FNDC3B: variants seen among roughly 807,000 people sequenced by gnomAD.
The protein encoded by FNDC3B is fibronectin type III domain containing 3B, also known as fibronectin type III domain-containing protein 3B.
FNDC3B carries 12 observed loss-of-function variants against 151.5 expected under a neutral mutation model. That is an observed-to-expected ratio of 0.08 (90% CI 0.05 to 0.13). The LOEUF (loss-of-function observed/expected upper bound fraction) is 0.13. FNDC3B is among the 10% of genes least tolerant of loss of function. The pLI, the probability that FNDC3B is intolerant of heterozygous loss-of-function variation, is 1.00. For missense variants in FNDC3B, 1,214 were observed against 1,505.3 expected, an observed-to-expected ratio of 0.81 and a Z score of 3.20; for synonymous variants, 528 against 549.0, an observed-to-expected ratio of 0.96 and a Z score of 0.54.
At chr3:172,202,779 G>A (rs6445044) in intron 3 of FNDC3B, among the ~76,000 whole-genome samples, 135,685 of 152,244 alleles carry the variant, frequency 0.89, 60,750 homozygotes, top group African/African-American at 0.95. Flanking sequence ...GGAAGAGATT[G>A]CCTGAAAGCA....
intron 23 of FNDC3B, among the ~76,000 whole-genome samples, chr3:172,377,297 T>C (rs1041475881): frequency 2.0e-5 from 3 of 152,214 alleles, no homozygotes; most frequent in African/African-American, 7.2e-5. Flanking sequence ...TTAACTTATG[T>C]AGTGGTTCTC....
intron 23 of FNDC3B, among the ~76,000 whole-genome samples, chr3:172,368,238 A>G (rs893411101): frequency 6.7e-6 from 1 of 149,452 alleles, no homozygotes; most frequent in Non-Finnish European, 1.5e-5. Flanking sequence ...CCACTACACT[A>G]CAGCTTGGGC....
intron 25 of FNDC3B, among the ~76,000 whole-genome samples, chr3:172,386,056 A>T (rs990787237): frequency 2.0e-5 from 3 of 152,314 alleles, no homozygotes; most frequent in African/African-American, 7.2e-5. Flanking sequence ...ATTATTACTC[A>T]CAATTTTACT....
At chr3:172,089,497 T>C (rs997296124) in intron 1 of FNDC3B, among the ~76,000 whole-genome samples, 2 of 152,144 alleles carry the variant, frequency 1.3e-5, no homozygotes, top group African/African-American at 2.4e-5. Context: ...TGATCGAAGG[T>C]AGGGGACGGC....
intron 12 of FNDC3B, 30 bp downstream of exon 12, chr3:172,329,106 C>A (rs1272684545): frequency 5.7e-6 from 9 of 1,591,086 alleles, no homozygotes; most frequent in Non-Finnish European, 6.0e-6. Flanking sequence ...TCTTGCCCTT[C>A]AGCCTTTGGA....
chr3:172,060,014 A>G (rs745854519), intron 1 of FNDC3B, among the ~76,000 whole-genome samples: 1 of 152,230 alleles, frequency 6.6e-6, no homozygotes, highest in Non-Finnish European at 1.5e-5. Context: ...ATTTGCAAGA[A>G]TGTGAAGATT....
chr3:172,041,379 CTTTCTT>C (rs1163029544), intron 1 of FNDC3B, among the ~76,000 whole-genome samples: 14 of 150,978 alleles, frequency 9.3e-5, no homozygotes, highest in Admixed American at 7.2e-4. Context: ...TTCTTTCTTT[CTTTCTT>C]TTTCTTTCTT....
chr3:172,263,897 A>C (rs76095574), intron 6 of FNDC3B, among the ~76,000 whole-genome samples: 2 of 152,282 alleles, frequency 1.3e-5, no homozygotes, highest in East Asian at 3.9e-4. Context: ...GTAAACATAC[A>C]TGCATCATAG....
intron 1 of FNDC3B, among the ~76,000 whole-genome samples, chr3:172,108,745 C>T (rs1240043804): frequency 5.9e-5 from 9 of 152,256 alleles, no homozygotes; most frequent in Non-Finnish European, 1.3e-4. Flanking sequence ...ACACTCACTA[C>T]GTTTCCCTTT....
chr3:172,339,388 C>T lies in FNDC3B; in HGVS notation c.1853-1725C>T, dbSNP rs938796560. On this transcript the variant is annotated intron_variant, in intron 16 of 25. Transcript: ENST00000415807. ...CCAGCCTGGCCAACATGGTGAAACC[C>T]GTCTCTGCTAGAAAAAATACAAAAA... Among the ~76,000 whole-genome samples, 28 of 151,958 alleles carry T rather than the reference C, an allele frequency of 1.8e-4. 1 individual carries two copies. Among genetic ancestry groups the T allele is most frequent in the Non-Finnish European group, 4.4e-5 (3 of 68,004 alleles).
At chr3:172,226,486 T>C (rs1177672300) in intron 3 of FNDC3B, among the ~76,000 whole-genome samples, 1 of 152,174 alleles carries the variant, frequency 6.6e-6, no homozygotes, top group African/African-American at 2.4e-5. Context: ...AAAATAATTT[T>C]ATAATTGATT....
At chr3:172,229,480 T>C (rs1201939637) in intron 4 of FNDC3B, among the ~76,000 whole-genome samples, 2 of 152,234 alleles carry the variant, frequency 1.3e-5, no homozygotes, top group Non-Finnish European at 2.9e-5. Context: ...GAGCCTTTCA[T>C]TGACAATTCA....
chr3:172,266,631 C>A (rs1728937065), intron 6 of FNDC3B, among the ~76,000 whole-genome samples: 1 of 152,208 alleles, frequency 6.6e-6, no homozygotes, highest in African/African-American at 2.4e-5. Flanking sequence ...TTCCTCGCCT[C>A]TTCCAGCCTC....
chr3:172,050,302 C>T (rs777757111), intron 1 of FNDC3B, among the ~76,000 whole-genome samples: 4 of 152,018 alleles, frequency 2.6e-5, no homozygotes, highest in African/African-American at 9.7e-5. Flanking sequence ...AAAATGTTTA[C>T]CATTCATTCC....
At chr3:172,062,288 C>G (rs922217808) in intron 1 of FNDC3B, among the ~76,000 whole-genome samples, 1 of 151,886 alleles carries the variant, frequency 6.6e-6, no homozygotes, top group Non-Finnish European at 1.5e-5. Context: ...CCCTAGTACC[C>G]CAATTTCTGC....
intron 23 of FNDC3B, among the ~76,000 whole-genome samples, chr3:172,374,418 A>G (rs186553950): frequency 1.1e-3 from 173 of 152,324 alleles, no homozygotes; most frequent in African/African-American, 4.0e-3. Context: ...TATTATTTTG[A>G]GACAGAGTCT....
In FNDC3B at chr3:172,293,184, G is replaced by A. The variant is rs117970227; in HGVS notation, c.850-2179G>A. 5.1e-3 allele frequency among the ~76,000 whole-genome samples: 783 copies of A among 152,276 alleles called. 11 individuals carry two copies. Among genetic ancestry groups the A allele is most frequent in the East Asian group, 0.041 (211 of 5,178 alleles). On this transcript the variant is annotated intron_variant, in intron 7 of 25. Coordinates refer to ENST00000415807, the MANE Select transcript of FNDC3B (RefSeq NM_022763.4). ...ATGACCATTAAATGAGTAAACAAAG[G>A]CAGCATTTGAAGTGGGTCCAAGAGA...
rs771246795 is a variant in FNDC3B, at chr3:172,341,207, C to T, written c.1947C>T (p.Cys649=). 1 of 1,614,074 alleles carries T rather than the reference C, an allele frequency of 6.2e-7. No individual in the cohort carries two copies. The stretch of plus-strand genomic sequence containing the variant: ...CTTTGTACAAACTCCGAGCATGCTG[C>T]ATCAGTACCGGCGGACACAGCCAGG... ...PGTLYKLRAC[C]ISTGGHSQCS... The change falls in exon 17 of 26, where the codon TGC becomes TGT. Residue 649 remains cysteine, a synonymous_variant. Transcript: ENST00000415807.
At chr3:172,291,681 C>A (rs576892435) in intron 7 of FNDC3B, among the ~76,000 whole-genome samples, 2 of 152,268 alleles carry the variant, frequency 1.3e-5, no homozygotes, top group African/African-American at 4.8e-5. Flanking sequence ...ATCACCATTA[C>A]AAAGGAGATT....
Sources: gnomAD v4.1 joint callset for allele counts (sites outside exome capture counted in the v4.1 genomes callset) on GRCh38, gnomAD v4.1.1 for gene constraint, MANE v1.5 for transcripts, NCBI Gene and HGNC (gene_info 2026-07-23, HGNC 2026-07-21) for gene names.